Variants in TMEM38B observed in about 807,000 individuals in gnomAD.
TMEM38B encodes the protein trimeric intracellular cation channel type B.
Under a neutral mutation model 28.7 loss-of-function variants are expected in TMEM38B, and 24 were observed. That is an observed-to-expected ratio of 0.84 (90% CI 0.61 to 1.18). TMEM38B has a LOEUF of 1.18. Among genes scored for constraint, TMEM38B ranks in the 50% most tolerant of loss-of-function variants. The probability of loss-of-function intolerance (pLI) is 0.00; values close to 1 mark genes in which losing one functional copy is unlikely to be tolerated. For synonymous variants in TMEM38B, 131 were observed against 127.7 expected (o/e 1.03, Z -0.17); for missense variants, 380 against 350.9 (o/e 1.08, Z -0.66).
chr9:105,705,685 A>G lies in TMEM38B; in HGVS notation c.201A>G (p.Leu67=), dbSNP rs770052664. The G allele has an allele frequency of 6.2e-6, 10 of 1,613,932 alleles. No individual in the cohort carries two copies. Among genetic ancestry groups the G allele is most frequent in the Admixed American group, 1.7e-5 (1 of 59,996 alleles). Residue 67 remains leucine, a synonymous_variant, in exon 2 of 6, where the codon CTA becomes CTG. Transcript: ENST00000374692. ...HCFGGGILSC[L]LLAEPPLKFL... The stretch of plus-strand genomic sequence containing the variant: ...TTGGTGGAGGAATTTTATCCTGTCT[A>G]CTGCTTGCAGAGCCTCCATTGAAGT...
At chr9:105,711,813 C>G (rs1835913707) in intron 2 of TMEM38B, among the ~76,000 whole-genome samples, 1 of 149,132 alleles carries the variant, frequency 6.7e-6, no homozygotes, top group Non-Finnish European at 1.5e-5. Context: ...GAGTGAGACC[C>G]TGTCTCCAAA....
chr9:105,741,404 G>A (rs1837197643), intron 4 of TMEM38B, among the ~76,000 whole-genome samples: 1 of 152,058 alleles, frequency 6.6e-6, no homozygotes, highest in Non-Finnish European at 1.5e-5. Context: ...TCTGGTGAGG[G>A]GTCCGAAGGA....
At chr9:105,739,851 A>G (rs749722192) in intron 4 of TMEM38B, among the ~76,000 whole-genome samples, 23 of 151,766 alleles carry the variant, frequency 1.5e-4, no homozygotes, top group Non-Finnish European at 2.9e-4. Flanking sequence ...ATGTATGAAC[A>G]TGGGATAGCT....
At chr9:105,714,951 A>G (rs946003131) in intron 2 of TMEM38B, among the ~76,000 whole-genome samples, 1 of 152,186 alleles carries the variant, frequency 6.6e-6, no homozygotes, top group Non-Finnish European at 1.5e-5. Context: ...TCATGACTTT[A>G]TATTCATATT....
intron 5 of TMEM38B, among the ~76,000 whole-genome samples, chr9:105,767,605 A>G (rs777471524): frequency 9.9e-5 from 15 of 152,122 alleles, no homozygotes; most frequent in South Asian, 2.1e-4. Flanking sequence ...AGGCCTTTAA[A>G]TTTTTGGAGT....
intron 1 of TMEM38B, among the ~76,000 whole-genome samples, chr9:105,697,864 T>C (rs1835339426): frequency 6.6e-6 from 1 of 152,160 alleles, no homozygotes; most frequent in Non-Finnish European, 1.5e-5. Context: ...TACTCGTCCT[T>C]GATCTTTTTT....
chr9:105,766,552 C>T (rs56974428), intron 5 of TMEM38B, among the ~76,000 whole-genome samples: 3,603 of 152,092 alleles, frequency 0.024, 70 homozygotes, highest in Middle Eastern at 0.085. Flanking sequence ...TTATGCTCTT[C>T]CTTTTTCTTT....
At chr9:105,702,065 A>C (rs1412874267) in intron 1 of TMEM38B, among the ~76,000 whole-genome samples, 1 of 152,166 alleles carries the variant, frequency 6.6e-6, no homozygotes, top group East Asian at 1.9e-4. Context: ...AATTTAAAAA[A>C]ATTTAAAAAC....
In TMEM38B at chr9:105,694,687, T is replaced by C. The variant is rs1156354101; in HGVS notation, c.27T>C (p.Ala9=). Residue 9 remains alanine (A), a synonymous_variant, in exon 1 of 6, where the codon GCT becomes GCC. Transcript: ENST00000374692. MDSPWDEL[A]LAFSRTSMFP... is the part of the protein sequence containing the mutation. ...TGGATTCTCCATGGGACGAGTTGGC[T>C]CTGGCCTTCTCCCGCACGTCCATGT... 2 of 1,613,878 alleles carry C rather than the reference T, an allele frequency of 1.2e-6. No individual in the cohort carries two copies. Among genetic ancestry groups the C allele is most frequent in the Non-Finnish European group, 1.7e-6 (2 of 1,179,892 alleles).
rs771735381 is a variant in TMEM38B, at chr9:105,774,059, A to G, written c.855A>G (p.Lys285=). The change falls in exon 6 of 6, where the codon AAA becomes AAG. Residue 285 remains lysine, a synonymous_variant. Transcript: ENST00000374692. ...TTGCCTCAGATAATGTTAAAAAGAA[A>G]CATACTAAGAAGAATGAATAAATTT... ...VDVASDNVKK[K]HTKKNE 7.4e-6 allele frequency: 12 copies of G among 1,613,388 alleles called. No individual in the cohort carries two copies. Among genetic ancestry groups the G allele is most frequent in the Non-Finnish European group, 1.0e-5 (12 of 1,179,652 alleles).
intron 2 of TMEM38B, among the ~76,000 whole-genome samples, chr9:105,716,028 C>T (rs1284328321): frequency 6.6e-6 from 1 of 152,176 alleles, no homozygotes; most frequent in African/African-American, 2.4e-5. Flanking sequence ...CTTCACAGAG[C>T]TCCTGCTTTT....
chr9:105,713,632 C>T (rs1024139947), intron 2 of TMEM38B, among the ~76,000 whole-genome samples: 2 of 152,114 alleles, frequency 1.3e-5, no homozygotes, highest in African/African-American at 4.8e-5. Flanking sequence ...TGATGGATGA[C>T]GTGGGAGGCA....
At chr9:105,747,960 G>A (rs1043136140) in intron 4 of TMEM38B, 113 bp from the exon 5 acceptor site, 9 of 674,694 alleles carry the variant, frequency 1.3e-5, no homozygotes, top group Non-Finnish European at 2.0e-5. Flanking sequence ...ACTCATTTTT[G>A]CATTACATCT....
At chr9:105,768,420 A>G (rs572285071) in intron 5 of TMEM38B, among the ~76,000 whole-genome samples, 7 of 152,096 alleles carry the variant, frequency 4.6e-5, no homozygotes, top group African/African-American at 1.4e-4. Context: ...TTGTATTAAC[A>G]TAAAATTGGG....
Position 105,694,747 on chromosome 9 carries a change from A to T in TMEM38B, c.87A>T (p.Ser29=). ...PFFDIAHYLV[S]VMAVKRQPGA... ...TTGACATCGCGCACTATCTAGTGTC[A>T]GTGATGGCGGTGAAACGTCAGCCGG... The change falls in exon 1 of 6, where the codon TCA becomes TCT. Residue 29 remains serine (S), a synonymous_variant. Transcript: ENST00000374692. 1 of 1,596,418 alleles carries T rather than the reference A, an allele frequency of 6.3e-7. No homozygotes were observed. Among genetic ancestry groups the T allele is most frequent in the South Asian group, 1.1e-5 (1 of 90,708 alleles).
At chr9:105,725,326 T>G (rs1410000255) in intron 4 of TMEM38B, among the ~76,000 whole-genome samples, 1 of 150,758 alleles carries the variant, frequency 6.6e-6, no homozygotes, top group Non-Finnish European at 1.5e-5. Flanking sequence ...GGGACAGATA[T>G]TTTTGTCTCT....
chr9:105,706,546 A>C (rs942577693), intron 2 of TMEM38B, among the ~76,000 whole-genome samples: 1 of 152,262 alleles, frequency 6.6e-6, no homozygotes, highest in East Asian at 1.9e-4. Flanking sequence ...CATATAGTGC[A>C]TAACTTGTGG....
rs899623302 is a variant in TMEM38B, at chr9:105,767,554, G to A, written c.661-6311G>A. On this transcript the variant is annotated intron_variant, in intron 5 of 5. Transcript: ENST00000374692. Reference sequence around the variant, plus strand: ...AGAAATCAGATCTTAAAAAGATTTAGTCTGTTGATCTCTGAACATGGTATG... The same window carrying A: ...AGAAATCAGATCTTAAAAAGATTTAATCTGTTGATCTCTGAACATGGTATG... Among the ~76,000 whole-genome samples the A allele has an allele frequency of 2.0e-5, 3 of 152,290 alleles. No homozygotes were observed. The East Asian group carries it at 5.8e-4, about 29-fold the overall frequency.
chr9:105,732,400 T>C (rs191458260), intron 4 of TMEM38B, among the ~76,000 whole-genome samples: 1 of 152,350 alleles, frequency 6.6e-6, no homozygotes, highest in African/African-American at 2.4e-5. Context: ...TTGTCCTGAA[T>C]GGTATTGCCT....
Sources: gnomAD v4.1 joint callset for allele counts (sites outside exome capture counted in the v4.1 genomes callset) on GRCh38, gnomAD v4.1.1 for gene constraint, MANE v1.5 for transcripts, NCBI Gene and HGNC (gene_info 2026-07-23, HGNC 2026-07-21) for gene names.